WLS: variants seen among roughly 807,000 people sequenced by gnomAD.
WLS encodes Wnt ligand secretion mediator.
Under a neutral mutation model 62.8 loss-of-function variants are expected in WLS, and 23 were observed. That is an observed-to-expected ratio of 0.37 (90% CI 0.26 to 0.52). The LOEUF (loss-of-function observed/expected upper bound fraction) is 0.52, where lower values mean the gene tolerates loss of function less well. Ranked by LOEUF, WLS falls within the 20% of genes least tolerant of loss-of-function variation. The probability of loss-of-function intolerance (pLI) is 0.92; values close to 1 mark genes in which losing one functional copy is unlikely to be tolerated. For synonymous variants in WLS, 246 were observed against 244.1 expected, an observed-to-expected ratio of 1.01 and a Z score of -0.07; for missense variants, 615 against 697.3, an observed-to-expected ratio of 0.88 and a Z score of 1.33.
At chr1:68,220,040 C>G (rs1445079186) in intron 1 of WLS, among the ~76,000 whole-genome samples, 1 of 152,086 alleles carries the variant, frequency 6.6e-6, no homozygotes, top group Non-Finnish European at 1.5e-5. Flanking sequence ...TATCTATGCT[C>G]TAAAGAGCCA....
At chr1:68,100,057 GTTTTT>G (rs1646056997) in intron 11 of WLS, among the ~76,000 whole-genome samples, 1 of 152,202 alleles carries the variant, frequency 6.6e-6, no homozygotes, top group Non-Finnish European at 1.5e-5. Flanking sequence ...AGAGAAAACA[GTTTTT>G]ACCAGCAGTT....
At chr1:68,216,310 T>G (rs1649725256) in intron 1 of WLS, among the ~76,000 whole-genome samples, 1 of 152,188 alleles carries the variant, frequency 6.6e-6, no homozygotes, top group South Asian at 2.1e-4. Flanking sequence ...TTTCATAAGT[T>G]TAAAATGTAA....
At chr1:68,129,876 GA>G (rs986569214) in intron 11 of WLS, among the ~76,000 whole-genome samples, 46 of 152,206 alleles carry the variant, frequency 3.0e-4, no homozygotes, top group African/African-American at 1.0e-3. Flanking sequence ...GAGTGAGAAA[GA>G]AAAAAGAAAA....
chr1:68,099,880 T>C lies in WLS; in HGVS notation c.1511-1127A>G, dbSNP rs184838430. The stretch of plus-strand genomic sequence containing the variant: ...GTAGGACCTTGAGCAAATCACCACA[T>C]GCTTCTGTCTTGTTACCTATAACAG... On this transcript the variant is annotated intron_variant, in intron 11 of 11. Transcript: ENST00000354777. The C allele has an allele frequency of 2.4e-3, 370 of 151,922 alleles. 2 individuals are homozygous for C. The highest frequency in any genetic ancestry group is 8.6e-3 in the African/African-American group (354 of 41,176). The allele number at this position is 151,922 out of a possible 1,614,324, so 9.4% of individuals were successfully genotyped here.
In WLS at chr1:68,153,594, C is replaced by T. The variant is rs140267505; in HGVS notation, c.726G>A (p.Thr242=). The change falls in exon 5 of 12, where the codon ACG becomes ACA. Residue 242 remains threonine, a synonymous_variant. Transcript: ENST00000262348. The part of the protein sequence containing the change: ...KVWFAMKTFL[T]PSIFIIMVWY... ...ACACCATAATGATGAAGATGCTGGG[C>T]GTAAGGAAGGTCTTCATGGCAAACC... The T allele has an allele frequency of 4.8e-5, 77 of 1,614,038 alleles. 1 individual carries two copies. Among genetic ancestry groups the T allele is most frequent in the East Asian group, 4.5e-4 (20 of 44,882 alleles).
intron 11 of WLS, among the ~76,000 whole-genome samples, chr1:68,120,029 A>G (rs1646344058): frequency 6.7e-6 from 1 of 150,056 alleles, no homozygotes; most frequent in South Asian, 2.2e-4. Flanking sequence ...GGGGCTGTCC[A>G]GATGATAAAT....
intron 1 of WLS, among the ~76,000 whole-genome samples, chr1:68,209,201 C>A (rs1649407587): frequency 6.6e-6 from 1 of 152,118 alleles, no homozygotes; most frequent in Admixed American, 6.5e-5. Context: ...CCCTGGGGAG[C>A]AAAACTGCTT....
intron 2 of WLS, among the ~76,000 whole-genome samples, chr1:68,192,593 G>A (rs950145657): frequency 6.9e-4 from 101 of 146,370 alleles, no homozygotes; most frequent in Non-Finnish European, 7.7e-4. Flanking sequence ...AAAAAAAAAA[G>A]AATAAAAAAT....
chr1:68,193,877 A>T (rs546557973), intron 2 of WLS, 78 bp downstream of exon 2: 2 of 1,527,398 alleles, frequency 1.3e-6, no homozygotes, highest in African/African-American at 2.8e-5. Flanking sequence ...TTTTACTTTT[A>T]TTAGAATTGG....
At chr1:68,102,115 A>G (rs1354996674) in intron 11 of WLS, among the ~76,000 whole-genome samples, 1 of 152,182 alleles carries the variant, frequency 6.6e-6, no homozygotes, top group Non-Finnish European at 1.5e-5. Context: ...ACCATGGGCC[A>G]GCTATATGCC....
rs2820480 is a variant in WLS at position 68,125,879 on chromosome 1, C to A, written c.*347G>T. The A allele has an allele frequency of 3.8e-6, 4 of 1,048,438 alleles. No individual in the cohort carries two copies. Among genetic ancestry groups the A allele is most frequent in the Non-Finnish European group, 4.6e-6 (4 of 870,486 alleles). 64.9% of individuals were successfully genotyped at this position (1,048,438 alleles called of 1,614,324 possible). ...AATGTCAAATATTCCACTCCCCATT[C>A]GGCCCAAACCATCCCCCAAGGAATA... On this transcript the variant is annotated 3_prime_UTR_variant, in exon 12 of 12. Coordinates refer to ENST00000262348, the MANE Select transcript of WLS (RefSeq NM_024911.7).
intron 2 of WLS, among the ~76,000 whole-genome samples, chr1:68,182,963 C>T (rs1049277718): frequency 8.5e-5 from 13 of 152,078 alleles, no homozygotes; most frequent in African/African-American, 2.4e-4. Context: ...TGCAGTGGTG[C>T]GATCTCGGCT....
chr1:68,189,289 G>A (rs953646732), intron 2 of WLS, among the ~76,000 whole-genome samples: 1 of 152,030 alleles, frequency 6.6e-6, no homozygotes, highest in African/African-American at 2.4e-5. Context: ...GATAAGTCAA[G>A]TGCTTCCTTT....
chr1:68,176,758 A>C (rs998636410), intron 2 of WLS, among the ~76,000 whole-genome samples: 1 of 152,220 alleles, frequency 6.6e-6, no homozygotes, highest in Non-Finnish European at 1.5e-5. Flanking sequence ...CTCACCTAGA[A>C]ATCACTTTGA....
intron 11 of WLS, among the ~76,000 whole-genome samples, chr1:68,101,607 A>T (rs1473235787): frequency 6.6e-6 from 1 of 152,188 alleles, no homozygotes; most frequent in Non-Finnish European, 1.5e-5. Flanking sequence ...CCTTAAACAA[A>T]TATGTCTACG....
intron 1 of WLS, 96 bp from the exon 2 acceptor site, chr1:68,194,323 T>C: frequency 6.9e-7 from 1 of 1,449,754 alleles, no homozygotes; most frequent in East Asian, 2.4e-5. Context: ...CCTCCAGCTT[T>C]TGTATCGCCT....
intron 1 of WLS, among the ~76,000 whole-genome samples, chr1:68,211,680 A>T (rs1649522530): frequency 6.6e-6 from 1 of 152,150 alleles, no homozygotes; most frequent in Non-Finnish European, 1.5e-5. Context: ...AACTCACCAA[A>T]ACCCCTAAGT....
intron 2 of WLS, among the ~76,000 whole-genome samples, chr1:68,184,993 T>C (rs1042059899): frequency 6.6e-6 from 1 of 152,160 alleles, no homozygotes; most frequent in Non-Finnish European, 1.5e-5. Context: ...ATAATCAACA[T>C]AACACAGACT....
intron 11 of WLS, among the ~76,000 whole-genome samples, chr1:68,100,198 G>A (rs1256297467): frequency 6.6e-6 from 1 of 152,164 alleles, no homozygotes; most frequent in Non-Finnish European, 1.5e-5. Context: ...GAAAGTCTAG[G>A]GGCCAAGCTC....
Sources: allele counts gnomAD v4.1 joint callset (sites outside exome capture counted in the v4.1 genomes callset), GRCh38; gene constraint gnomAD v4.1.1; transcripts MANE v1.5; gene names NCBI Gene and HGNC (gene_info 2026-07-23, HGNC 2026-07-21).